Variants in THOC3 observed in about 807,000 individuals in gnomAD.
THOC3 encodes THO complex subunit 3, also known as TEX1 homolog.
THOC3 carries 4 observed loss-of-function variants against 23.3 expected under a neutral mutation model. The observed-to-expected ratio is 0.17, with a 90% confidence interval of 0.08 to 0.39. The LOEUF is 0.39. THOC3 is among the 10% of genes least tolerant of loss of function. The pLI is 1.00. For synonymous variants in THOC3, 27 were observed against 141.5 expected (o/e 0.19, Z 5.74); for missense variants, 64 against 359.4 (o/e 0.18, Z 6.65).
chr5:175,966,619 A>G (rs1756771295), intron 2 of THOC3, among the ~76,000 whole-genome samples: 1 of 70,728 alleles, frequency 1.4e-5, no homozygotes, highest in Admixed American at 1.5e-4. Context: ...ATCGGCCTCA[A>G]TACTTACAAC....
At position 175,968,044 on chromosome 5, in the gene THOC3, G is replaced by A. The variant is rs1177184526; in HGVS notation, c.165C>T (p.Ser55=). 5 of 1,611,400 alleles carry A rather than the reference G, an allele frequency of 3.1e-6. No homozygotes were observed. The highest frequency in any genetic ancestry group is 1.9e-4 in the Middle Eastern group (1 of 5,326). ...HSKTREFLAH[S]AKVHSVAWSC... ...TCCAGGCCACCGAGTGCACCTTGGC[G>A]CTGTGCGCCAGGAACTCGCGCGTCT... The change falls in exon 1 of 6, where the codon AGC becomes AGT. Residue 55 remains serine (S), a synonymous_variant. Transcript: ENST00000265097.
rs1756627250 is a variant in THOC3 at position 175,959,584 on chromosome 5, T to C, written c.*385A>G. On this transcript the variant is annotated 3_prime_UTR_variant, in exon 6 of 6. Transcript: ENST00000265097. ...AATGCTCAATTCTCAAAATTATATA[T>C]ATATATTTTTAATTATTTAAAAAAA... 1.4e-5 allele frequency: 2 copies of C among 144,768 alleles called. No individual in the cohort carries two copies. Among genetic ancestry groups the C allele is most frequent in the African/African-American group, 5.2e-5 (2 of 38,122 alleles). 9.0% of individuals were successfully genotyped at this position (144,768 alleles called of 1,614,324 possible).
At chr5:175,966,504 G>GT (rs1756769531) in intron 2 of THOC3, among the ~76,000 whole-genome samples, 1 of 148,968 alleles carries the variant, frequency 6.7e-6, no homozygotes, top group Non-Finnish European at 1.5e-5. Flanking sequence ...ATCTTAAAAT[G>GT]TATCAGAAAG....
chr5:175,963,333 C>T (rs542626071), intron 3 of THOC3, among the ~76,000 whole-genome samples: 64 of 152,024 alleles, frequency 4.2e-4, no homozygotes, highest in Middle Eastern at 6.8e-3. Context: ...TCGGAAGTTT[C>T]TTTTGAGTAA....
chr5:175,962,419 T>TACACACACACACAC (rs1436194735), intron 3 of THOC3, among the ~76,000 whole-genome samples: 27 of 40,656 alleles, frequency 6.6e-4, no homozygotes, highest in Middle Eastern at 0.017. Context: ...TATATATATA[T>TACACACACACACAC]ATACACACAC....
At chr5:175,964,181 A>G (rs1233237026) in intron 3 of THOC3, among the ~76,000 whole-genome samples, 1 of 152,276 alleles carries the variant, frequency 6.6e-6, no homozygotes, top group African/African-American at 2.4e-5. Flanking sequence ...CAAGGCAAAC[A>G]CCATCCCTAC....
chr5:175,967,573 C>CACCACCAACGTACCACCACCACCAACGT (rs1756797300), intron 1 of THOC3: 1 of 295,422 alleles, frequency 3.4e-6, no homozygotes, highest in African/African-American at 3.0e-5. Flanking sequence ...CCACCACCAC[C>CACCACCAACGTACCACCACCACCAACGT]ACCACCACCA....
In THOC3 at chr5:175,961,276, GA is replaced by G; in HGVS notation, c.787del (p.Ser263ProfsTer7). The part of the protein sequence containing the change: ...VDELVCVRCF[S>X]RLDWPVRTLS... ...AAGTGCTGATAGAGTCACTTACCTG[GA>G]AAAGCACCGAACACACACTAACTCA... is the stretch of plus-strand genomic sequence containing the variant. On this transcript the variant is annotated frameshift_variant, in exon 4 of 6. Coordinates refer to ENST00000265097, the MANE Select transcript of THOC3 (RefSeq NM_032361.4). LOFTEE classifies it high-confidence loss of function. 6 of 564,528 alleles carry G rather than the reference GA, an allele frequency of 1.1e-5. No homozygotes were observed. The highest frequency in any genetic ancestry group is 2.2e-5 in the South Asian group (1 of 46,498). The allele number at this position is 564,528 out of a possible 1,614,324, so 35.0% of individuals were successfully genotyped here.
In THOC3 at chr5:175,968,023, G is replaced by A. The variant is rs780935668; in HGVS notation, c.186C>T (p.Ala62=). Residue 62 remains alanine (A), a synonymous_variant, in exon 1 of 6, where the codon GCC becomes GCT. Coordinates refer to ENST00000265097, the MANE Select transcript of THOC3 (RefSeq NM_032361.4). ...CTAGGCGACGCCCGTCGCAACTCCA[G>A]GCCACCGAGTGCACCTTGGCGCTGT... is the stretch of plus-strand genomic sequence containing the variant. The part of the protein sequence containing the change: ...LAHSAKVHSV[A]WSCDGRRLAS... 2.5e-6 allele frequency: 4 copies of A among 1,610,586 alleles called. No individual in the cohort carries two copies. The highest frequency in any genetic ancestry group is 1.1e-5 in the South Asian group (1 of 90,860).
At chr5:175,962,534 T>G (rs935048528) in intron 3 of THOC3, among the ~76,000 whole-genome samples, 1 of 147,496 alleles carries the variant, frequency 6.8e-6, no homozygotes, top group Non-Finnish European at 1.5e-5. Flanking sequence ...TTTTTTTTTT[T>G]TTTTTGAGGT....
intron 2 of THOC3, 113 bp from the exon 3 acceptor site, chr5:175,965,268 A>C: frequency 1.4e-6 from 2 of 1,415,324 alleles, no homozygotes; most frequent in Non-Finnish European, 1.9e-6. Context: ...TACTCATTAA[A>C]GTCCTAGACA....
At chr5:175,960,505 G>A (rs1756642094) in intron 5 of THOC3, 1 of 209,412 alleles carries the variant, frequency 4.8e-6, no homozygotes, top group South Asian at 7.7e-5. Flanking sequence ...TTTCCTCTTC[G>A]AAGTTTTCTA....
rs1028512278 is a variant in THOC3 at position 175,959,536 on chromosome 5, T to C, written c.*433A>G. ...AATTTTAAAAGTCTTAGAAGTTCCA[T>C]AATAACAAAAGTCAGTTTATTAAAT... On this transcript the variant is annotated 3_prime_UTR_variant, in exon 6 of 6. Coordinates refer to ENST00000265097, the MANE Select transcript of THOC3 (RefSeq NM_032361.4). 2 of 147,538 alleles carry C rather than the reference T, an allele frequency of 1.4e-5. No homozygotes were observed. Among genetic ancestry groups the C allele is most frequent in the Admixed American group, 6.8e-5 (1 of 14,808 alleles). 9.1% of individuals were successfully genotyped at this position (147,538 alleles called of 1,614,324 possible).
intron 3 of THOC3, among the ~76,000 whole-genome samples, chr5:175,962,373 TATC>T (rs1040854270): frequency 8.0e-6 from 1 of 124,902 alleles, no homozygotes; most frequent in Non-Finnish European, 1.7e-5. Context: ...GATTGCAAGT[TATC>T]AACATGAATT....
intron 2 of THOC3, among the ~76,000 whole-genome samples, chr5:175,966,435 C>G (rs1756768378): frequency 6.6e-6 from 1 of 151,846 alleles, no homozygotes; most frequent in African/African-American, 2.4e-5. Flanking sequence ...AATTAAAAAT[C>G]TCACCAACTT....
intron 3 of THOC3, among the ~76,000 whole-genome samples, chr5:175,962,041 A>C (rs1344054032): frequency 6.6e-6 from 1 of 151,708 alleles, no homozygotes; most frequent in Admixed American, 6.6e-5. Context: ...TACATGGTTT[A>C]AAGAGAGGGT....
Position 175,961,439 on chromosome 5 carries a change from G to GA in THOC3, c.630-6dup. The GA allele has an allele frequency of 6.4e-6, 4 of 623,154 alleles. No homozygotes were observed. Among genetic ancestry groups the GA allele is most frequent in the South Asian group, 2.6e-5 (1 of 37,840 alleles). The allele number at this position is 623,154 out of a possible 1,614,324, so 38.6% of individuals were successfully genotyped here. ...ACAGGCTTCAGTTCTGGGTAGCTGA[G>GA]AAAAAAGACAGCGATCAAACTGCAG... On this transcript the variant is annotated splice_polypyrimidine_tract_variant and splice_region_variant and intron_variant, in intron 3 of 5. Coordinates refer to ENST00000265097, the MANE Select transcript of THOC3 (RefSeq NM_032361.4).
intron 3 of THOC3, among the ~76,000 whole-genome samples, chr5:175,962,417 T>TACACACACACACACAC (rs775994149): frequency 0.01 from 419 of 41,842 alleles, 5 homozygotes; most frequent in African/African-American, 0.012. Context: ...AATATATATA[T>TACACACACACACACAC]ATATACACAC....
chr5:175,963,976 A>G (rs1484581208), intron 3 of THOC3, among the ~76,000 whole-genome samples: 14 of 152,412 alleles, frequency 9.2e-5, no homozygotes, highest in Admixed American at 8.5e-4. Context: ...GGAATTTCAC[A>G]GCAAACTCCT....
Sources: allele counts gnomAD v4.1 joint callset (sites outside exome capture counted in the v4.1 genomes callset), GRCh38; gene constraint gnomAD v4.1.1; transcripts MANE v1.5; gene names NCBI Gene and HGNC (gene_info 2026-07-23, HGNC 2026-07-21).